The following DECR2 variants were observed in gnomAD, a reference collection of about 807,000 sequenced individuals.
DECR2 encodes the protein peroxisomal 2,4-dienoyl-CoA reductase [(3E)-enoyl-CoA-producing].
Under a neutral mutation model 29.2 loss-of-function variants are expected in DECR2, and 34 were observed. That is an observed-to-expected ratio of 1.16 (90% CI 0.89 to 1.55). The LOEUF is 1.55. Among genes scored for constraint, DECR2 ranks in the 40% most tolerant of loss-of-function variants. DECR2 has a pLI of 0.00. For synonymous variants in DECR2, 224 were observed against 182.7 expected (o/e 1.23, Z -1.82); for missense variants, 485 against 425.3 (o/e 1.14, Z -1.23).
intron 1 of DECR2, among the ~76,000 whole-genome samples, chr16:404,563 C>T (rs951163032): frequency 6.6e-6 from 1 of 151,988 alleles, no homozygotes; most frequent in African/African-American, 2.4e-5. Context: ...AAATCATTGC[C>T]GTATAGCAAT....
chr16:404,849 C>CG, intron 1 of DECR2, 107 bp from the exon 2 acceptor site: 1 of 1,032,144 alleles, frequency 9.7e-7, no homozygotes, highest in East Asian at 2.4e-5. Context: ...AAGCTGGTCT[C>CG]GATCTCCTGA....
At chr16:402,117 T>A in intron 1 of DECR2, 74 bp downstream of exon 1, 2 of 1,190,618 alleles carry the variant, frequency 1.7e-6, no homozygotes, top group Non-Finnish European at 2.2e-6. Context: ...CCCCACGTGG[T>A]CCCCGAGGGC....
At chr16:405,060 T>C (rs749048205) in intron 2 of DECR2, 36 bp downstream of exon 2, 1 of 1,612,752 alleles carries the variant, frequency 6.2e-7, no homozygotes. Context: ...TGCTCCTCGC[T>C]TCTCCCTGCC....
chr16:406,110 G>A (rs759910237), intron 2 of DECR2, among the ~76,000 whole-genome samples: 3 of 152,204 alleles, frequency 2.0e-5, no homozygotes, highest in Non-Finnish European at 2.9e-5. Context: ...TGGTGTTTGG[G>A]GCAGGACCCG....
chr16:410,612 C>T lies in DECR2; in HGVS notation c.463-79C>T, dbSNP rs1023283065. ...GCCCGCTCCCTGCCCCGGGCCTCCC[C>T]CTGACAGCCACCCGCTCACTGTCCT... On this transcript the variant is annotated intron_variant, in intron 5 of 8. Coordinates refer to ENST00000219481, the MANE Select transcript of DECR2 (RefSeq NM_020664.4). This position sits in a 1 kb window ranked among gnomAD's most constrained non-coding sequence, Gnocchi z 4.1. 7 of 1,443,882 alleles carry T rather than the reference C, an allele frequency of 4.8e-6. No homozygotes were observed. Among genetic ancestry groups the T allele is most frequent in the Non-Finnish European group, 5.7e-6 (6 of 1,051,688 alleles). 89.4% of individuals were successfully genotyped at this position (1,443,882 alleles called of 1,614,324 possible). A position where few individuals can be genotyped will look rare whatever the true frequency, so the allele number is the denominator to read the frequency against.
intron 4 of DECR2, chr16:409,465 T>C (rs1267063071): frequency 6.6e-6 from 1 of 151,710 alleles, no homozygotes; most frequent in Non-Finnish European, 1.5e-5. Context: ...CCACCACGCC[T>C]GGCCGATTTT....
intron 4 of DECR2, 82 bp downstream of exon 4, chr16:407,642 TG>T: frequency 1.3e-6 from 2 of 1,562,412 alleles, no homozygotes; most frequent in Non-Finnish European, 8.7e-7. Context: ...GGTCATGGGG[TG>T]GGGACCATGC....
chr16:408,045 CTGTCTCCGGCCCT>C lies in DECR2; in HGVS notation c.337+486_337+498del, dbSNP rs2054757022. 1.5e-4 allele frequency among the ~76,000 whole-genome samples: 4 copies of C among 26,016 alleles called. 1 individual carries two copies. Among genetic ancestry groups the C allele is most frequent in the African/African-American group, 5.1e-4 (4 of 7,862 alleles). The allele number at this position is 26,016 out of a possible 152,430, so 17.1% of individuals were successfully genotyped here. A position where few individuals can be genotyped will look rare whatever the true frequency, so the allele number is the denominator to read the frequency against. On this transcript the variant is annotated intron_variant, in intron 4 of 8. Coordinates refer to ENST00000219481, the MANE Select transcript of DECR2 (RefSeq NM_020664.4). ...TCTCCGGGCCCCTGTCTCCGGGCCT[CTGTCTCCGGCCCT>C]CTGTCTCCGGGCCCCTGTCTCCGGG...
intron 3 of DECR2, 42 bp downstream of exon 3, chr16:406,439 G>A (rs139257963): frequency 1.0e-4 from 162 of 1,593,540 alleles, no homozygotes; most frequent in East Asian, 1.3e-4. Context: ...GGGTGGCTGT[G>A]GGGGGGCTGG....
Position 410,649 on chromosome 16 carries a change from C to T in DECR2, c.463-42C>T, listed in dbSNP as rs765243014. ...CCGCTCACTGTCCTGTGACCTCCCC[C>T]GACACCCGCCCGCTCACTGCCCCGG... On this transcript the variant is annotated intron_variant, in intron 5 of 8. Transcript: ENST00000219481. This position sits in a 1 kb window ranked among gnomAD's most constrained non-coding sequence, Gnocchi z 4.1. The T allele has an allele frequency of 1.3e-3, 2,005 of 1,544,368 alleles. 10 individuals are homozygous for T. The highest frequency in any genetic ancestry group is 1.2e-3 in the Non-Finnish European group (1,375 of 1,138,320).
At position 410,871 on chromosome 16, in the gene DECR2, C is replaced by T. The variant is rs1030144882; in HGVS notation, c.556+87C>T. On this transcript the variant is annotated intron_variant, in intron 6 of 8. Coordinates refer to ENST00000219481, the MANE Select transcript of DECR2 (RefSeq NM_020664.4). The surrounding 1 kb of genome is among the most constrained non-coding windows in gnomAD (Gnocchi z 4.1). ...CATCCCAGGAGGCCAGCAGTCTCCA[C>T]TTGAAGCTGAGCCCAGCTGCAGGCA... 1.3e-6 allele frequency: 2 copies of T among 1,525,200 alleles called. No homozygotes were observed. Among genetic ancestry groups the T allele is most frequent in the African/African-American group, 2.7e-5 (2 of 72,782 alleles). 94.5% of individuals were successfully genotyped at this position (1,525,200 alleles called of 1,614,324 possible). A position where few individuals can be genotyped will look rare whatever the true frequency, so the allele number is the denominator to read the frequency against.
chr16:406,741 C>T, intron 3 of DECR2: 1 of 620,528 alleles, frequency 1.6e-6, no homozygotes, highest in Non-Finnish European at 2.4e-6. Context: ...CTCAGGTGAT[C>T]CGCCCACCTC....
At chr16:406,826 G>T (rs2054730704) in intron 3 of DECR2, 25 of 565,526 alleles carry the variant, frequency 4.4e-5, no homozygotes, top group Middle Eastern at 8.5e-4. Flanking sequence ...AAAGTGCCAG[G>T]ATTACAGGTG....
intron 4 of DECR2, among the ~76,000 whole-genome samples, chr16:407,921 ATCTCCGGCCCCCTGTCTCCGGGCCCCTG>A (rs1567340599): frequency 0.11 from 3,397 of 30,104 alleles, 597 homozygotes; most frequent in Non-Finnish European, 0.15. Context: ...CTCCGGCCCC[ATCTCCGGCCCCCTGTCTCCGGGCCCCTG>A]TCTCCAGGCC....
rs551998734 is a variant in DECR2 at position 407,728 on chromosome 16, C to G, written c.337+168C>G. 2.5e-4 allele frequency: 276 copies of G among 1,093,138 alleles called. No homozygotes were observed. In the African/African-American group the frequency reaches 3.7e-3, roughly 15 times the overall value. The allele number at this position is 1,093,138 out of a possible 1,614,324, so 67.7% of individuals were successfully genotyped here. ...CCTGAGGCCAAGACTCAGGCTCCGG[C>G]CCCCTGTCTCCGGCCCCATCTCCGG... is the stretch of plus-strand genomic sequence containing the variant. On this transcript the variant is annotated intron_variant, in intron 4 of 8. Coordinates refer to ENST00000219481, the MANE Select transcript of DECR2 (RefSeq NM_020664.4).
At chr16:405,126 C>T in intron 2 of DECR2, 102 bp downstream of exon 2, 1 of 1,384,482 alleles carries the variant, frequency 7.2e-7, no homozygotes, top group Non-Finnish European at 1.0e-6. Flanking sequence ...GTAGATGTCC[C>T]CTGCTCACCT....
At chr16:402,308 AT>A (rs1253216564) in intron 1 of DECR2, among the ~76,000 whole-genome samples, 1 of 149,166 alleles carries the variant, frequency 6.7e-6, no homozygotes, top group Non-Finnish European at 1.5e-5. Flanking sequence ...GCTAATTTTT[AT>A]TTTTAGTAGA....
At chr16:407,809 G>A (rs1384764920) in intron 4 of DECR2, among the ~76,000 whole-genome samples, 1 of 122,108 alleles carries the variant, frequency 8.2e-6, no homozygotes, top group Non-Finnish European at 1.7e-5. Context: ...CTGTCTCCGG[G>A]CCTCTGTCTT....
In DECR2 at chr16:406,386, C is replaced by A; in HGVS notation, c.190C>A (p.Arg64=). 1 of 1,607,814 alleles carries A rather than the reference C, an allele frequency of 6.2e-7. No individual in the cohort carries two copies. The highest frequency in any genetic ancestry group is 8.5e-7 in the Non-Finnish European group (1 of 1,179,924). The change falls in exon 3 of 9, where the codon CGA becomes AGA. Residue 64 remains arginine (R), a synonymous_variant. Coordinates refer to ENST00000219481, the MANE Select transcript of DECR2 (RefSeq NM_020664.4). ...HTVIASRSLP[R]VLTAARKLAG... ...GGTGATTGCCAGTAGGAGCCTGCCG[C>A]GAGTGCTGACGGTGAGAGGGCCTCT...
Sources: gnomAD v4.1 joint callset for allele counts (sites outside exome capture counted in the v4.1 genomes callset) on GRCh38, gnomAD v4.1.1 for gene constraint, Gnocchi (gnomAD v3.1) non-coding constraint, MANE v1.5 for transcripts, NCBI Gene and HGNC (gene_info 2026-07-23, HGNC 2026-07-21) for gene names.